CAPN5: variants seen among roughly 807,000 people sequenced by gnomAD.
CAPN5 encodes calpain-5.
In CAPN5, 54 loss-of-function variants were observed where a neutral mutation model predicts 73.0. That is an observed-to-expected ratio of 0.74 (90% CI 0.59 to 0.93). CAPN5 has a LOEUF of 0.93. Ranked by LOEUF, CAPN5 falls within the 40% of genes least tolerant of loss-of-function variation. The probability of loss-of-function intolerance (pLI) is 0.00; values close to 1 mark genes in which losing one functional copy is unlikely to be tolerated. For missense variants in CAPN5, 785 were observed against 882.9 expected (o/e 0.89, Z 1.41); for synonymous variants, 335 against 356.9 (o/e 0.94, Z 0.69).
intron 3 of CAPN5, among the ~76,000 whole-genome samples, chr11:77,098,300 G>A (rs1347513027): frequency 2.0e-5 from 2 of 97,874 alleles, no homozygotes; most frequent in African/African-American, 4.0e-5. Context: ...CCTCCCTCCC[G>A]GACGGGGCAG....
At chr11:77,100,243 A>G (rs1386645870) in intron 3 of CAPN5, among the ~76,000 whole-genome samples, 5 of 152,086 alleles carry the variant, frequency 3.3e-5, no homozygotes, top group African/African-American at 4.8e-5. Flanking sequence ...GGTCCTCCCA[A>G]GGTGTCCGAT....
At position 77,118,276 on chromosome 11, in the gene CAPN5, C is replaced by T. The variant is rs369083073; in HGVS notation, c.1091C>T (p.Thr364Met). 1.7e-5 allele frequency: 27 copies of T among 1,613,822 alleles called. No individual in the cohort carries two copies. Among genetic ancestry groups the T allele is most frequent in the African/African-American group, 1.2e-4 (9 of 74,938 alleles). Residue 364 changes from threonine (T) to methionine (M), a missense_variant, in exon 8 of 13, where the codon ACG becomes ATG. Physicochemically the swap from Thr to Met is moderately conservative, Grantham distance 81. Coordinates refer to ENST00000648180, the MANE Select transcript of CAPN5 (RefSeq NM_004055.5). ...WEEARLHGAWTLHEDPRQNRG... is the reference protein window; with the variant it reads ...WEEARLHGAWMLHEDPRQNRG... ...GAGGCCCGGCTGCATGGCGCCTGGA[C>T]GCTGCATGAGGACCCGCGACAGAAC...
At chr11:77,100,467 C>A (rs1235444475) in intron 3 of CAPN5, among the ~76,000 whole-genome samples, 1 of 152,152 alleles carries the variant, frequency 6.6e-6, no homozygotes, top group Non-Finnish European at 1.5e-5. Flanking sequence ...AACTGCCCCC[C>A]ACCTTCGGCC....
At chr11:77,106,437 T>C (rs1950349630) in intron 3 of CAPN5, among the ~76,000 whole-genome samples, 1 of 151,920 alleles carries the variant, frequency 6.6e-6, no homozygotes, top group Admixed American at 6.6e-5. Context: ...AATGACCCAT[T>C]TTCCCTGGAA....
chr11:77,083,842 A>C (rs1177429876), intron 1 of CAPN5, among the ~76,000 whole-genome samples: 4 of 152,064 alleles, frequency 2.6e-5, no homozygotes, highest in Non-Finnish European at 4.4e-5. Flanking sequence ...TGGGGCTGGC[A>C]CTCACACCAG....
chr11:77,120,739 G>T lies in CAPN5; in HGVS notation c.1317G>T (p.Met439Ile). ...YKVEENRQYR[M>I]HSLQHKAASS... ...TGGAGGAGAACCGCCAGTACCGCAT[G>T]CACAGCCTGCAGCACAAGGCCGCCA... The change falls in exon 10 of 13, where the codon ATG (methionine) becomes ATT (isoleucine). Residue 439 changes from methionine (M) to isoleucine (I), a missense_variant. Transcript: ENST00000648180. 6.2e-7 allele frequency: 1 copy of T among 1,612,592 alleles called. No homozygotes were observed.
intron 2 of CAPN5, among the ~76,000 whole-genome samples, chr11:77,087,295 G>T (rs1435198966): frequency 2.0e-5 from 3 of 152,234 alleles, no homozygotes; most frequent in Non-Finnish European, 2.9e-5. Flanking sequence ...CTTGCTTGGC[G>T]GGCCCAGCCC....
chr11:77,101,745 A>ACTCCCATCCCCAC (rs1408814368), intron 3 of CAPN5, among the ~76,000 whole-genome samples: 2 of 151,224 alleles, frequency 1.3e-5, no homozygotes, highest in African/African-American at 2.4e-5. Flanking sequence ...CCGCTCCCCA[A>ACTCCCATCCCCAC]CTCCCATCCC....
intron 3 of CAPN5, 37 bp downstream of exon 3, chr11:77,093,850 G>C (rs1950180207): frequency 6.3e-7 from 1 of 1,597,504 alleles, no homozygotes; most frequent in African/African-American, 1.3e-5. Context: ...GTGCTGGGGA[G>C]TGTGAACGCA....
rs1950560517 is a variant in CAPN5 at position 77,125,124 on chromosome 11, GGA to G, written c.*1255_*1256del. ...GAGCACTGGTGCCGTGACCCACTTG[GGA>G]TCTCTGCTGTGCCCTTCTCGGGCTT... On this transcript the variant is annotated 3_prime_UTR_variant, in exon 13 of 13. Coordinates refer to ENST00000648180, the MANE Select transcript of CAPN5 (RefSeq NM_004055.5). 1.3e-5 allele frequency: 2 copies of G among 152,396 alleles called. No individual in the cohort carries two copies. The highest frequency in any genetic ancestry group is 2.9e-5 in the Non-Finnish European group (2 of 68,034). 9.4% of individuals were successfully genotyped at this position (152,396 alleles called of 1,614,324 possible).
At chr11:77,105,629 G>A (rs1409348149) in intron 3 of CAPN5, among the ~76,000 whole-genome samples, 3 of 152,206 alleles carry the variant, frequency 2.0e-5, no homozygotes, top group Non-Finnish European at 2.9e-5. Flanking sequence ...TGTCACTGAT[G>A]TGCTGTGTGT....
intron 1 of CAPN5, among the ~76,000 whole-genome samples, chr11:77,068,123 G>A (rs555633232): frequency 6.6e-6 from 1 of 152,282 alleles, no homozygotes; most frequent in South Asian, 2.1e-4. Context: ...GGCCTGCTGG[G>A]GGAACCACTG....
intron 2 of CAPN5, among the ~76,000 whole-genome samples, chr11:77,086,868 G>A (rs1351337732): frequency 1.3e-5 from 2 of 152,226 alleles, no homozygotes; most frequent in Non-Finnish European, 2.9e-5. Flanking sequence ...AGGTTGGCCC[G>A]CTTGGTACTC....
rs556057934 is a variant in CAPN5 at position 77,094,183 on chromosome 11, T to G, written c.297+370T>G. 5.9e-5 allele frequency among the ~76,000 whole-genome samples: 9 copies of G among 152,370 alleles called. No homozygotes were observed. The South Asian group carries it at 1.9e-3, about 32-fold the overall frequency. ...AGGAGACCCCTGACAGACACAGACC[T>G]GCTGTGTGACTCAGCTGGTTGCTGT... is the stretch of plus-strand genomic sequence containing the variant. On this transcript the variant is annotated intron_variant, in intron 3 of 12. Coordinates refer to ENST00000648180, the MANE Select transcript of CAPN5 (RefSeq NM_004055.5).
intron 2 of CAPN5, among the ~76,000 whole-genome samples, chr11:77,087,751 T>C (rs541237649): frequency 1.3e-5 from 2 of 152,154 alleles, no homozygotes; most frequent in South Asian, 4.1e-4. Flanking sequence ...GACAAACTGG[T>C]TCCCCTCTCT....
At chr11:77,122,530 A>AGCCCCCCCCCCCCCCCGCCCCCCCAC in intron 11 of CAPN5, 46 bp from the exon 12 acceptor site, 1 of 943,196 alleles carries the variant, frequency 1.1e-6, no homozygotes, top group Non-Finnish European at 1.6e-6. Flanking sequence ...GCCCTGCCAC[A>AGCCCCCCCCCCCCCCCGCCCCCCCAC]GCCCCCACCC....
rs746258458 is a variant in CAPN5 at position 77,112,642 on chromosome 11, C to T, written c.351C>T (p.Tyr117=). The change falls in exon 4 of 13, where the codon TAC becomes TAT. Residue 117 remains tyrosine (Y), a synonymous_variant. Coordinates refer to ENST00000648180, the MANE Select transcript of CAPN5 (RefSeq NM_004055.5). The part of the protein sequence containing the change: ...QEWDPEKPNA[Y]AGIFHFHFWR... ...GGGACCCCGAAAAGCCCAACGCCTACGCGGGCATCTTCCACTTCCACTTCT... is the reference window on the plus strand; with the variant it reads ...GGGACCCCGAAAAGCCCAACGCCTATGCGGGCATCTTCCACTTCCACTTCT... The T allele has an allele frequency of 1.9e-5, 31 of 1,614,082 alleles. No homozygotes were observed. Among genetic ancestry groups the T allele is most frequent in the African/African-American group, 1.1e-4 (8 of 74,920 alleles).
intron 3 of CAPN5, among the ~76,000 whole-genome samples, chr11:77,107,718 T>C (rs951376024): frequency 1.3e-5 from 2 of 152,140 alleles, no homozygotes; most frequent in Admixed American, 1.3e-4. Flanking sequence ...CAGGGGGTTA[T>C]CAGGGAGGCG....
rs2077558 is a variant in CAPN5, at chr11:77,069,012, G to C, written c.-36+1918G>C. Among the ~76,000 whole-genome samples, 1,508 of 152,300 alleles carry C rather than the reference G, an allele frequency of 9.9e-3. 22 individuals carry two copies. Among genetic ancestry groups the C allele is most frequent in the African/African-American group, 0.034 (1,422 of 41,544 alleles). Reference sequence around the variant, plus strand: ...TCTGCGCCTGCTTTCCTGGCAGGCTGTCAGATCAGCCCTGGAGTCCTGGTC... The same window carrying C: ...TCTGCGCCTGCTTTCCTGGCAGGCTCTCAGATCAGCCCTGGAGTCCTGGTC... On this transcript the variant is annotated intron_variant, in intron 1 of 12. Transcript: ENST00000648180.
Sources: allele counts gnomAD v4.1 joint callset (sites outside exome capture counted in the v4.1 genomes callset), GRCh38; gene constraint gnomAD v4.1.1; transcripts MANE v1.5; gene names NCBI Gene and HGNC (gene_info 2026-07-23, HGNC 2026-07-21).